ZFAND3: variants seen among roughly 807,000 people sequenced by gnomAD.
ZFAND3 encodes the protein zinc finger AN1-type containing 3.
ZFAND3 carries 10 observed loss-of-function variants against 29.6 expected under a neutral mutation model. The ratio of observed to expected loss-of-function variants is 0.34; its 90% CI spans 0.21 to 0.57. The LOEUF is 0.57. Ranked by LOEUF, ZFAND3 falls within the 20% of genes least tolerant of loss-of-function variation. The probability of loss-of-function intolerance (pLI) is 0.86; values close to 1 mark genes in which losing one functional copy is unlikely to be tolerated. For synonymous variants in ZFAND3, 128 were observed against 112.6 expected, an observed-to-expected ratio of 1.14 and a Z score of -0.87; for missense variants, 230 against 304.5, an observed-to-expected ratio of 0.76 and a Z score of 1.82.
chr6:38,095,730 G>C (rs534338126), intron 4 of ZFAND3, among the ~76,000 whole-genome samples: 1 of 152,040 alleles, frequency 6.6e-6, no homozygotes, highest in Non-Finnish European at 1.5e-5. Context: ...AACAATTCTC[G>C]GATGAAAGTC....
intron 4 of ZFAND3, among the ~76,000 whole-genome samples, chr6:38,116,296 G>GC (rs1226272039): frequency 6.6e-6 from 1 of 152,130 alleles, no homozygotes; most frequent in African/African-American, 2.4e-5. Context: ...TAGAATCTCA[G>GC]CTCTTTTTAA....
intron 2 of ZFAND3, among the ~76,000 whole-genome samples, chr6:37,966,875 C>A (rs142741854): frequency 6.6e-6 from 1 of 152,118 alleles, no homozygotes. Context: ...TTTTCATGAA[C>A]TTGGCACTTT....
In ZFAND3 at chr6:37,846,979, G is replaced by A. The variant is rs543165201; in HGVS notation, c.71+26963G>A. ...GCCTGCCTCAGCCTCCCAAAGTGCT[G>A]GGATTACAGGCTTGAGCCACTGTGC... On this transcript the variant is annotated intron_variant, in intron 1 of 5. Coordinates refer to ENST00000287218, the MANE Select transcript of ZFAND3 (RefSeq NM_021943.3). 5.3e-5 allele frequency among the ~76,000 whole-genome samples: 8 copies of A among 152,108 alleles called. No individual in the cohort carries two copies. In the East Asian group the frequency reaches 1.6e-3, roughly 30 times the overall value.
chr6:37,972,348 G>GT (rs1762402953), intron 2 of ZFAND3, among the ~76,000 whole-genome samples: 1 of 152,198 alleles, frequency 6.6e-6, no homozygotes, highest in Admixed American at 6.5e-5. Flanking sequence ...GCCACTCAAA[G>GT]TTTATACTTG....
chr6:38,002,258 C>T (rs1762961487), intron 2 of ZFAND3, among the ~76,000 whole-genome samples: 1 of 148,756 alleles, frequency 6.7e-6, no homozygotes, highest in Admixed American at 6.8e-5. Flanking sequence ...TAGTTTAGTT[C>T]TAAATTACAC....
intron 1 of ZFAND3, among the ~76,000 whole-genome samples, chr6:37,928,554 T>C (rs1276270484): frequency 6.6e-6 from 1 of 152,138 alleles, no homozygotes; most frequent in Non-Finnish European, 1.5e-5. Flanking sequence ...AGAGTCTTGC[T>C]CTGTTGCCCA....
chr6:37,895,319 G>A (rs1388910410), intron 1 of ZFAND3, among the ~76,000 whole-genome samples: 1 of 151,392 alleles, frequency 6.6e-6, no homozygotes, highest in Non-Finnish European at 1.5e-5. Context: ...ATCTGTAAGA[G>A]TTCTATTACG....
chr6:38,153,867 CAT>C lies in ZFAND3; in HGVS notation c.*1480_*1481del, dbSNP rs1766289365. 1.0e-6 allele frequency: 1 copy of C among 985,404 alleles called. No individual in the cohort carries two copies. Among genetic ancestry groups the C allele is most frequent in the Admixed American group, 6.1e-5 (1 of 16,274 alleles). The allele number at this position is 985,404 out of a possible 1,614,324, so 61.0% of individuals were successfully genotyped here. ...CGGAGGCAGCGTGGATCTGCCCACA[CAT>C]AGGCTACTGGAATAGTTTAACCCAG... On this transcript the variant is annotated 3_prime_UTR_variant, in exon 6 of 6. Coordinates refer to ENST00000287218, the MANE Select transcript of ZFAND3 (RefSeq NM_021943.3).
At chr6:38,059,123 C>T (rs988659163) in intron 2 of ZFAND3, among the ~76,000 whole-genome samples, 15 of 152,158 alleles carry the variant, frequency 9.9e-5, no homozygotes, top group African/African-American at 3.6e-4. Context: ...ACAATAATCA[C>T]ACTCAGATAC....
intron 1 of ZFAND3, among the ~76,000 whole-genome samples, chr6:37,844,351 G>T (rs1039420354): frequency 6.6e-6 from 1 of 151,970 alleles, no homozygotes; most frequent in African/African-American, 2.4e-5. Context: ...GCGCAATCTT[G>T]GCTCACTGCA....
intron 2 of ZFAND3, among the ~76,000 whole-genome samples, chr6:38,010,620 G>C (rs905102216): frequency 2.1e-5 from 3 of 142,094 alleles, no homozygotes; most frequent in African/African-American, 7.9e-5. Context: ...TTTTTTCCGA[G>C]ACAGGATCTT....
At chr6:37,894,117 T>G (rs1053413626) in intron 1 of ZFAND3, among the ~76,000 whole-genome samples, 1 of 151,942 alleles carries the variant, frequency 6.6e-6, no homozygotes, top group Admixed American at 6.6e-5. Context: ...TAGCTGGGCG[T>G]GGTGGCTGGT....
intron 2 of ZFAND3, among the ~76,000 whole-genome samples, chr6:38,009,847 C>T (rs1763115595): frequency 6.6e-6 from 1 of 152,194 alleles, no homozygotes; most frequent in Non-Finnish European, 1.5e-5. Context: ...GTTAGAGTTA[C>T]ATTACATTCT....
rs186591959 is a variant in ZFAND3 at position 37,877,472 on chromosome 6, G to T, written c.72-52487G>T. The stretch of plus-strand genomic sequence containing the variant: ...CTTGGATTACAGTAGTAATAGAGGA[G>T]ATGGTGAGAAGTAGTCAGTTTGGGG... On this transcript the variant is annotated intron_variant, in intron 1 of 5. Coordinates refer to ENST00000287218, the MANE Select transcript of ZFAND3 (RefSeq NM_021943.3). 1.7e-3 allele frequency among the ~76,000 whole-genome samples: 257 copies of T among 152,280 alleles called. 1 individual carries two copies. Among genetic ancestry groups the T allele is most frequent in the Admixed American group, 4.6e-3 (70 of 15,292 alleles).
chr6:37,928,628 C>T (rs891089997), intron 1 of ZFAND3, among the ~76,000 whole-genome samples: 2 of 152,264 alleles, frequency 1.3e-5, no homozygotes, highest in Admixed American at 6.5e-5. Context: ...TCAAGCGATT[C>T]TTGTGTCTCA....
chr6:38,023,132 T>C (rs1763381874), intron 2 of ZFAND3, among the ~76,000 whole-genome samples: 1 of 152,230 alleles, frequency 6.6e-6, no homozygotes. Context: ...ACTCTAACCA[T>C]GAATCTATAA....
intron 5 of ZFAND3, among the ~76,000 whole-genome samples, chr6:38,121,952 A>G (rs1487127464): frequency 6.6e-6 from 1 of 152,218 alleles, no homozygotes; most frequent in African/African-American, 2.4e-5. Context: ...TGCCTAAGCC[A>G]GTCTCTGCTA....
At chr6:37,894,573 T>G (rs1374559519) in intron 1 of ZFAND3, among the ~76,000 whole-genome samples, 1 of 152,136 alleles carries the variant, frequency 6.6e-6, no homozygotes, top group Non-Finnish European at 1.5e-5. Context: ...AATCTCTCTA[T>G]GTTGTCCAGG....
At chr6:37,956,257 T>A (rs35772972) in intron 2 of ZFAND3, among the ~76,000 whole-genome samples, 25,469 of 152,122 alleles carry the variant, frequency 0.17, 2,333 homozygotes, top group East Asian at 0.33. Context: ...AAAACTCACA[T>A]TGCTGGGCCA....
Sources: allele counts gnomAD v4.1 joint callset (sites outside exome capture counted in the v4.1 genomes callset), GRCh38; gene constraint gnomAD v4.1.1; transcripts MANE v1.5; gene names NCBI Gene and HGNC (gene_info 2026-07-23, HGNC 2026-07-21).